TOP3A: variants seen among roughly 807,000 people sequenced by gnomAD.
TOP3A encodes DNA topoisomerase III alpha.
A neutral mutation model predicts 111.3 loss-of-function variants in TOP3A; 64 were observed. The ratio of observed to expected loss-of-function variants is 0.57; its 90% CI spans 0.47 to 0.71. The LOEUF (loss-of-function observed/expected upper bound fraction) is 0.71. Among genes scored for constraint, TOP3A ranks in the 30% least tolerant of loss-of-function variants. TOP3A has a pLI of 0.00. For missense variants in TOP3A, 1,104 were observed against 1,285.0 expected, an observed-to-expected ratio of 0.86 and a Z score of 2.15; for synonymous variants, 484 against 485.1, an observed-to-expected ratio of 1.00 and a Z score of 0.03.
In TOP3A at chr17:18,272,345, G is replaced by A. The variant is rs1309081311; in HGVS notation, c.*2457C>T. 2.0e-5 allele frequency among the ~76,000 whole-genome samples: 3 copies of A among 152,206 alleles called. No homozygotes were observed. Among genetic ancestry groups the A allele is most frequent in the South Asian group, 2.1e-4 (1 of 4,826 alleles). ...GTGCTGCTGGTGGGTGTAAAGTGGT[G>A]CATCCACTGTGGAAAATTTGTAGGT... On this transcript the variant is annotated 3_prime_UTR_variant, in exon 19 of 19. Transcript: ENST00000321105.
At chr17:18,291,720 AT>A (rs957340195) in intron 11 of TOP3A, among the ~76,000 whole-genome samples, 13 of 148,992 alleles carry the variant, frequency 8.7e-5, no homozygotes, top group African/African-American at 1.2e-4. Context: ...TGAACATGTA[AT>A]TTTTTTTTTT....
intron 17 of TOP3A, among the ~76,000 whole-genome samples, chr17:18,279,337 A>C (rs1979604780): frequency 6.6e-6 from 1 of 152,048 alleles, no homozygotes; most frequent in African/African-American, 2.4e-5. Flanking sequence ...GCTCACTGAA[A>C]GTTCTGCCTC....
At position 18,290,619 on chromosome 17, in the gene TOP3A, G is replaced by C. The variant is rs1474661696; in HGVS notation, c.1535C>G (p.Thr512Ser). Reference protein sequence around the residue: ...PSTVEMVDGETSPPKLLTEAD... With the variant: ...PSTVEMVDGESSPPKLLTEAD... The stretch of plus-strand genomic sequence containing the variant: ...CTCGGTGAGCAGCTTGGGTGGGCTG[G>C]TCTCCCCGTCCACCATCTCCACGGT... Residue 512 changes from threonine to serine, a missense_variant, in exon 13 of 19, where the codon ACC becomes AGC. By Grantham distance (58) the Thr-to-Ser change is moderately conservative. Coordinates refer to ENST00000321105, the MANE Select transcript of TOP3A (RefSeq NM_004618.5). The C allele has an allele frequency of 6.2e-7, 1 of 1,611,660 alleles. No homozygotes were observed.
Position 18,314,873 on chromosome 17 carries a change from A to T in TOP3A, c.-95T>A, listed in dbSNP as rs1270401982. 1.2e-6 allele frequency: 1 copy of T among 801,454 alleles called. No homozygotes were observed. The highest frequency in any genetic ancestry group is 1.8e-6 in the Non-Finnish European group (1 of 556,062). The allele number at this position is 801,454 out of a possible 1,614,324, so 49.6% of individuals were successfully genotyped here. A position where few individuals can be genotyped will look rare whatever the true frequency, so the allele number is the denominator to read the frequency against. ...AAATGGCGCCCACCGAAAGGGAACC[A>T]GAGCCTCGCTTCGGTCACGTCCCCA... On this transcript the variant is annotated 5_prime_UTR_variant, in exon 1 of 19. Transcript: ENST00000321105.
chr17:18,299,096 A>C (rs1214870570), intron 9 of TOP3A, among the ~76,000 whole-genome samples: 1 of 151,888 alleles, frequency 6.6e-6, no homozygotes, highest in Non-Finnish European at 1.5e-5. Context: ...AAAAAGAGCA[A>C]AACTCCATCT....
chr17:18,295,498 G>C (rs1980740879), intron 9 of TOP3A, among the ~76,000 whole-genome samples: 1 of 151,866 alleles, frequency 6.6e-6, no homozygotes, highest in East Asian at 1.9e-4. Context: ...TCTCGCTCTT[G>C]TTGCCCAGAC....
intron 9 of TOP3A, among the ~76,000 whole-genome samples, chr17:18,297,786 C>T (rs1980923731): frequency 6.6e-6 from 1 of 152,114 alleles, no homozygotes; most frequent in Non-Finnish European, 1.5e-5. Flanking sequence ...CCTTCACCTC[C>T]CAGCAGCCTG....
At chr17:18,290,387 T>C (rs1239331470) in intron 13 of TOP3A, among the ~76,000 whole-genome samples, 170 bp downstream of exon 13, 3 of 152,190 alleles carry the variant, frequency 2.0e-5, no homozygotes, top group African/African-American at 7.2e-5. Context: ...AATACACACT[T>C]TGTGAACTTA....
intron 12 of TOP3A, 75 bp from the exon 13 acceptor site, chr17:18,290,761 G>T: frequency 1.3e-6 from 2 of 1,583,854 alleles, no homozygotes; most frequent in South Asian, 1.1e-5. Context: ...TCATTTCAAG[G>T]AACATGATCC....
At chr17:18,309,204 TA>T (rs1039255914) in intron 1 of TOP3A, among the ~76,000 whole-genome samples, 1 of 151,714 alleles carries the variant, frequency 6.6e-6, no homozygotes, top group Non-Finnish European at 1.5e-5. Flanking sequence ...AATAGAATAA[TA>T]AAAAAAACAA....
intron 8 of TOP3A, 101 bp downstream of exon 8, chr17:18,301,784 A>G: frequency 1.0e-6 from 1 of 986,644 alleles, no homozygotes; most frequent in Non-Finnish European, 1.5e-6. Context: ...GCAAACTTAA[A>G]GCTAAAGTCC....
rs1320426897 is a variant in TOP3A, at chr17:18,274,059, C to T, written c.*743G>A. On this transcript the variant is annotated 3_prime_UTR_variant, in exon 19 of 19. Coordinates refer to ENST00000321105, the MANE Select transcript of TOP3A (RefSeq NM_004618.5). ...TCAAGCAATTCTCCTGCCTCAGCCT[C>T]CTGAGTAGCCGGGTCTACAGGCGCA... is the stretch of plus-strand genomic sequence containing the variant. 1 of 152,250 alleles carries T rather than the reference C, an allele frequency of 6.6e-6. No homozygotes were observed. The highest frequency in any genetic ancestry group is 1.5e-5 in the Non-Finnish European group (1 of 68,100). 9.4% of individuals were successfully genotyped at this position (152,250 alleles called of 1,614,324 possible).
At chr17:18,291,901 A>G (rs2142965210) in intron 11 of TOP3A, among the ~76,000 whole-genome samples, 1 of 152,192 alleles carries the variant, frequency 6.6e-6, no homozygotes, top group Non-Finnish European at 1.5e-5. Flanking sequence ...TCTAGTAGAG[A>G]TGGGGTTTCA....
At chr17:18,288,972 C>T (rs1980297252) in intron 13 of TOP3A, among the ~76,000 whole-genome samples, 2 of 152,172 alleles carry the variant, frequency 1.3e-5, no homozygotes, top group Admixed American at 6.6e-5. Flanking sequence ...AGTGATCCTC[C>T]CACCTCAGCC....
chr17:18,304,883 T>C (rs1981457662), intron 5 of TOP3A, among the ~76,000 whole-genome samples: 1 of 152,094 alleles, frequency 6.6e-6, no homozygotes, highest in South Asian at 2.1e-4. Context: ...CTAATCTCTG[T>C]GGCAGTCCCA....
At chr17:18,311,059 G>A (rs79433385) in intron 1 of TOP3A, among the ~76,000 whole-genome samples, 1 of 150,680 alleles carries the variant, frequency 6.6e-6, no homozygotes, top group African/African-American at 2.5e-5. Context: ...GGAGTGCAGT[G>A]GCACAATCTC....
intron 13 of TOP3A, among the ~76,000 whole-genome samples, chr17:18,286,907 C>T (rs1158507713): frequency 4.6e-5 from 7 of 152,132 alleles, no homozygotes; most frequent in Admixed American, 4.6e-4. Context: ...CCTCAGCCTC[C>T]CGAGTAGCTG....
At chr17:18,310,443 G>C (rs1981842638) in intron 1 of TOP3A, among the ~76,000 whole-genome samples, 1 of 152,018 alleles carries the variant, frequency 6.6e-6, no homozygotes, top group East Asian at 1.9e-4. Flanking sequence ...CCAAAAAAAA[G>C]GAATGAAGAA....
chr17:18,306,950 G>T lies in TOP3A; in HGVS notation c.331C>A (p.Leu111Ile). The T allele has an allele frequency of 6.2e-7, 1 of 1,613,678 alleles. No individual in the cohort carries two copies. Residue 111 changes from leucine to isoleucine, a missense_variant, in exon 4 of 19, where the codon CTT becomes ATT. Physicochemically the swap from Leu to Ile is conservative, Grantham distance 5. Coordinates refer to ENST00000321105, the MANE Select transcript of TOP3A (RefSeq NM_004618.5). The stretch of plus-strand genomic sequence containing the variant: ...TCAATTTCTGCTTCAAAGAGGACAA[G>T]AGGGTTGCAGCTCTGCCTAGAAAAG... ...QFRKWQSCNP[L>I]VLFEAEIEKY...
Sources: allele counts gnomAD v4.1 joint callset (sites outside exome capture counted in the v4.1 genomes callset), GRCh38; gene constraint gnomAD v4.1.1; transcripts MANE v1.5; gene names NCBI Gene and HGNC (gene_info 2026-07-23, HGNC 2026-07-21).